Variants in FOXP2 observed in about 807,000 individuals in gnomAD.
The protein encoded by FOXP2 is forkhead box P2.
Under a neutral mutation model 115.8 loss-of-function variants are expected in FOXP2, and 12 were observed. The ratio of observed to expected loss-of-function variants is 0.10; its 90% CI spans 0.07 to 0.17. The LOEUF (loss-of-function observed/expected upper bound fraction) is 0.17, where lower values mean the gene tolerates loss of function less well. Among genes scored for constraint, FOXP2 ranks in the 10% least tolerant of loss-of-function variants. FOXP2 has a pLI of 1.00. For synonymous variants in FOXP2, 328 were observed against 297.7 expected (o/e 1.10, Z -1.05); for missense variants, 629 against 843.5 (o/e 0.75, Z 3.15).
chr7:114,516,358 T>C (rs1187186142), intron 2 of FOXP2, among the ~76,000 whole-genome samples: 1 of 152,170 alleles, frequency 6.6e-6, no homozygotes, highest in Non-Finnish European at 1.5e-5. Context: ...GCTAGCCATA[T>C]GTAGAAAGCT....
At chr7:114,543,927 C>T (rs1196394863) in intron 3 of FOXP2, among the ~76,000 whole-genome samples, 1 of 152,204 alleles carries the variant, frequency 6.6e-6, no homozygotes, top group Non-Finnish European at 1.5e-5. Flanking sequence ...TTTTTATCCT[C>T]CTTAATTGTA....
chr7:114,322,782 ATTAAG>A (rs1333140990), intron 2 of FOXP2, among the ~76,000 whole-genome samples: 1 of 152,162 alleles, frequency 6.6e-6, no homozygotes, highest in African/African-American at 2.4e-5. Context: ...TTTACTGTAA[ATTAAG>A]TTGTGTTGTG....
chr7:114,493,310 C>T (rs545905590), intron 2 of FOXP2, among the ~76,000 whole-genome samples: 55 of 152,090 alleles, frequency 3.6e-4, no homozygotes, highest in African/African-American at 1.1e-3. Context: ...TGTCTCTGCA[C>T]GTGAGATGGG....
intron 1 of FOXP2, among the ~76,000 whole-genome samples, chr7:114,230,771 C>A (rs1046967225): frequency 2.6e-5 from 4 of 151,860 alleles, no homozygotes; most frequent in Admixed American, 2.6e-4. Flanking sequence ...TATCATACTC[C>A]ATATTGAAAA....
At chr7:114,488,297 C>A (rs545299803) in intron 2 of FOXP2, among the ~76,000 whole-genome samples, 1 of 152,108 alleles carries the variant, frequency 6.6e-6, no homozygotes, top group Admixed American at 6.5e-5. Context: ...CCAAGACTCA[C>A]GGGGATTATG....
intron 2 of FOXP2, among the ~76,000 whole-genome samples, chr7:114,492,662 G>A (rs559374362): frequency 2.6e-5 from 4 of 152,056 alleles, no homozygotes; most frequent in African/African-American, 7.2e-5. Flanking sequence ...CCTTCATTTC[G>A]TTATGTACCC....
At chr7:114,265,296 A>G (rs1332487998) in intron 1 of FOXP2, among the ~76,000 whole-genome samples, 1 of 152,188 alleles carries the variant, frequency 6.6e-6, no homozygotes, top group East Asian at 1.9e-4. Flanking sequence ...AAATCAGCCA[A>G]AAGAAAGGGG....
At chr7:114,395,445 G>T (rs964723552) in intron 2 of FOXP2, among the ~76,000 whole-genome samples, 2 of 152,070 alleles carry the variant, frequency 1.3e-5, no homozygotes, top group Non-Finnish European at 2.9e-5. Flanking sequence ...GCTCAAGCAT[G>T]GGGTTTACTA....
At chr7:114,212,075 T>TGAATA (rs1794367746) in intron 1 of FOXP2, among the ~76,000 whole-genome samples, 2 of 134,646 alleles carry the variant, frequency 1.5e-5, no homozygotes, top group Non-Finnish European at 3.1e-5. Context: ...GTTTCAAAAA[T>TGAATA]AAATAAAATA....
chr7:114,185,052 T>C (rs1033070464), intron 1 of FOXP2, among the ~76,000 whole-genome samples: 3 of 152,204 alleles, frequency 2.0e-5, no homozygotes, highest in Non-Finnish European at 4.4e-5. Flanking sequence ...TAAACTTACC[T>C]AGATTTAAAG....
chr7:114,620,075 A>T (rs754407825), intron 3 of FOXP2, among the ~76,000 whole-genome samples: 1 of 152,092 alleles, frequency 6.6e-6, no homozygotes, highest in South Asian at 2.1e-4. Flanking sequence ...TTTTCTAGAC[A>T]TATAATGACA....
At chr7:114,467,765 T>TTATTAATA (rs1251402527) in intron 2 of FOXP2, among the ~76,000 whole-genome samples, 2 of 152,190 alleles carry the variant, frequency 1.3e-5, no homozygotes, top group Non-Finnish European at 2.9e-5. Flanking sequence ...TACTTTCTTA[T>TTATTAATA]TATTAATATT....
chr7:114,612,138 G>A (rs760400415), intron 3 of FOXP2, among the ~76,000 whole-genome samples: 5 of 151,850 alleles, frequency 3.3e-5, no homozygotes, highest in Admixed American at 6.6e-5. Context: ...TTCACATGAC[G>A]AAAATGGAAG....
intron 1 of FOXP2, among the ~76,000 whole-genome samples, chr7:114,163,349 A>T (rs1279150827): frequency 6.6e-6 from 1 of 152,098 alleles, no homozygotes; most frequent in Non-Finnish European, 1.5e-5. Context: ...AAGAATTTTG[A>T]GTATTCTGAT....
At chr7:114,097,587 T>C (rs1238368874) in intron 1 of FOXP2, among the ~76,000 whole-genome samples, 1 of 152,232 alleles carries the variant, frequency 6.6e-6, no homozygotes, top group East Asian at 1.9e-4. Flanking sequence ...GCTTGGCTTA[T>C]AAACAAAATG....
At chr7:114,418,855 C>A (rs1474201238) in intron 1 of FOXP2, among the ~76,000 whole-genome samples, 1 of 151,998 alleles carries the variant, frequency 6.6e-6, no homozygotes, top group East Asian at 1.9e-4. Flanking sequence ...CCTTCTGATT[C>A]TTCTGTAAGA....
At chr7:114,681,197 T>C (rs1341576621) in intron 16 of FOXP2, among the ~76,000 whole-genome samples, 3 of 152,170 alleles carry the variant, frequency 2.0e-5, no homozygotes, top group African/African-American at 7.2e-5. Context: ...TTTTGTTAAA[T>C]TAGAGATTGG....
intron 2 of FOXP2, among the ~76,000 whole-genome samples, chr7:114,429,386 T>TA (rs1421852214): frequency 6.0e-5 from 9 of 151,166 alleles, no homozygotes; most frequent in East Asian, 1.9e-4. Flanking sequence ...ACAATTAGTT[T>TA]AAAAAAAAGC....
intron 2 of FOXP2, among the ~76,000 whole-genome samples, chr7:114,329,176 C>T (rs1425913949): frequency 6.6e-6 from 1 of 152,046 alleles, no homozygotes; most frequent in Non-Finnish European, 1.5e-5. Flanking sequence ...GCACTTAATT[C>T]CCCATGATGA....
Sources: allele counts gnomAD v4.1 joint callset (sites outside exome capture counted in the v4.1 genomes callset), GRCh38; gene constraint gnomAD v4.1.1; transcripts MANE v1.5; gene names NCBI Gene and HGNC (gene_info 2026-07-23, HGNC 2026-07-21).